Variants in ITGAM observed in about 807,000 individuals in gnomAD.
ITGAM encodes the protein integrin subunit alpha M.
In ITGAM, 79 loss-of-function variants were observed where a neutral mutation model predicts 137.5. The ratio of observed to expected loss-of-function variants is 0.57; its 90% CI spans 0.48 to 0.69. The LOEUF is 0.69. Ranked by LOEUF, ITGAM falls within the 30% of genes least tolerant of loss-of-function variation. The pLI is 0.00. For missense variants in ITGAM, 1,343 were observed against 1,483.5 expected, an observed-to-expected ratio of 0.91 and a Z score of 1.56; for synonymous variants, 583 against 592.3, an observed-to-expected ratio of 0.98 and a Z score of 0.23.
chr16:31,278,365 C>CTG (rs1157241015), intron 12 of ITGAM, among the ~76,000 whole-genome samples: 1 of 152,074 alleles, frequency 6.6e-6, no homozygotes, highest in Non-Finnish European at 1.5e-5. Context: ...GTATTCAACC[C>CTG]GTATATAACC....
chr16:31,271,983 G>T lies in ITGAM; in HGVS notation c.695G>T (p.Arg232Leu). 1 of 1,613,994 alleles carries T rather than the reference G, an allele frequency of 6.2e-7. No homozygotes were observed. The highest frequency in any genetic ancestry group is 1.7e-4 in the Middle Eastern group (1 of 6,060). Reference protein sequence around the residue: ...LGRTHTATGIRKVVRELFNIT... With the variant: ...LGRTHTATGILKVVRELFNIT... ...CGGACACACACGGCCACGGGCATCCGCAAAGTGGTGTAAGCTTCCCCTTTT... is the reference window on the plus strand; with the variant it reads ...CGGACACACACGGCCACGGGCATCCTCAAAGTGGTGTAAGCTTCCCCTTTT... Residue 232 changes from arginine to leucine, a missense_variant, in exon 7 of 30, where the codon CGC becomes CTC. Arg to Leu is a moderately radical substitution (Grantham distance 102). Coordinates refer to ENST00000544665, the MANE Select transcript of ITGAM (RefSeq NM_000632.4).
chr16:31,295,042 G>A (rs2080120073), intron 12 of ITGAM, among the ~76,000 whole-genome samples: 1 of 152,112 alleles, frequency 6.6e-6, no homozygotes, highest in Non-Finnish European at 1.5e-5. Context: ...TAAATGCATA[G>A]TTTTATTTCT....
At chr16:31,294,444 G>A (rs1026590524) in intron 12 of ITGAM, among the ~76,000 whole-genome samples, 1 of 152,060 alleles carries the variant, frequency 6.6e-6, no homozygotes, top group Non-Finnish European at 1.5e-5. Flanking sequence ...TAACATAAAG[G>A]GGTGTTGACT....
Position 31,324,027 on chromosome 16 carries a change from A to G in ITGAM, c.2003-372A>G, listed in dbSNP as rs977307554. ...GATTCTGTCTCAAAAAAGAAAATAA[A>G]AAATAAAAAGAAAGGAAGGAAGGAA... On this transcript the variant is annotated intron_variant, in intron 16 of 29. Transcript: ENST00000544665. This position sits in a 1 kb window ranked among gnomAD's most constrained non-coding sequence, Gnocchi z 4.5. 5.9e-5 allele frequency among the ~76,000 whole-genome samples: 9 copies of G among 151,960 alleles called. No homozygotes were observed. The highest frequency in any genetic ancestry group is 1.5e-5 in the Non-Finnish European group (1 of 68,002).
At position 31,324,912 on chromosome 16, in the gene ITGAM, TG is replaced by T; in HGVS notation, c.2290-44del. The T allele has an allele frequency of 6.4e-7, 1 of 1,555,664 alleles. No homozygotes were observed. Among genetic ancestry groups the T allele is most frequent in the Non-Finnish European group, 8.7e-7 (1 of 1,143,110 alleles). On this transcript the variant is annotated intron_variant, in intron 18 of 29. Coordinates refer to ENST00000544665, the MANE Select transcript of ITGAM (RefSeq NM_000632.4). The surrounding 1 kb of genome is among the most constrained non-coding windows in gnomAD (Gnocchi z 4.5). ...TTTTATTGTTTAATTTCACAATACT[TG>T]GTTATTTTCTTTCCTTTCATTTGAT... is the stretch of plus-strand genomic sequence containing the variant.
At chr16:31,328,279 T>C in intron 23 of ITGAM, 49 bp downstream of exon 23, 1 of 1,372,754 alleles carries the variant, frequency 7.3e-7, no homozygotes, top group Non-Finnish European at 1.0e-6. Flanking sequence ...GGGCTGGACA[T>C]GGCTGATTGT....
intron 14 of ITGAM, among the ~76,000 whole-genome samples, chr16:31,320,545 G>A (rs2080438147): frequency 6.6e-6 from 1 of 151,992 alleles, no homozygotes; most frequent in South Asian, 2.1e-4. Context: ...CATACACGAT[G>A]GTTTTGGCTT....
chr16:31,328,812 ATG>A (rs1567282667), intron 23 of ITGAM, among the ~76,000 whole-genome samples: 5 of 125,032 alleles, frequency 4.0e-5, no homozygotes, highest in East Asian at 5.1e-4. Flanking sequence ...GTGAAGGTCT[ATG>A]TGCATGTGTG....
intron 8 of ITGAM, among the ~76,000 whole-genome samples, chr16:31,273,937 G>A (rs1422607964): frequency 6.6e-6 from 1 of 152,176 alleles, no homozygotes; most frequent in Non-Finnish European, 1.5e-5. Context: ...GGCTAGCCTG[G>A]GCATGTCCTC....
At chr16:31,288,857 C>T (rs2080056974) in intron 12 of ITGAM, among the ~76,000 whole-genome samples, 1 of 152,196 alleles carries the variant, frequency 6.6e-6, no homozygotes. Context: ...GCAATCTACT[C>T]ATCTGACAAA....
rs2079764632 is a variant in ITGAM, at chr16:31,266,136, A to G, written c.416A>G (p.Glu139Gly). 2 of 1,612,708 alleles carry G rather than the reference A, an allele frequency of 1.2e-6. No homozygotes were observed. Among genetic ancestry groups the G allele is most frequent in the African/African-American group, 1.3e-5 (1 of 74,896 alleles). ...CGGCAGCAGCCCCAGAAGTTCCCAGAGGCCCTCCGAGGTGGGTTGCCTTTG... is the reference window on the plus strand; with the variant it reads ...CGGCAGCAGCCCCAGAAGTTCCCAGGGGCCCTCCGAGGTGGGTTGCCTTTG... ...NLRQQPQKFP[E>G]ALRGCPQEDS... The change falls in exon 5 of 30, where the codon GAG becomes GGG. Residue 139 changes from glutamate (E) to glycine (G), a missense_variant. Glu to Gly is a moderately conservative substitution (Grantham distance 98). Coordinates refer to ENST00000544665, the MANE Select transcript of ITGAM (RefSeq NM_000632.4).
At chr16:31,271,700 C>G (rs2079841850) in intron 6 of ITGAM, 147 bp from the exon 7 acceptor site, 2 of 949,978 alleles carry the variant, frequency 2.1e-6, no homozygotes, top group Non-Finnish European at 1.6e-6. Flanking sequence ...GCTGGCAGCT[C>G]TCCGTCCTGG....
At chr16:31,318,904 A>G (rs2080419770) in intron 14 of ITGAM, among the ~76,000 whole-genome samples, 1 of 151,960 alleles carries the variant, frequency 6.6e-6, no homozygotes, top group Non-Finnish European at 1.5e-5. Flanking sequence ...TAAGTTTGGT[A>G]TATTGTGTTT....
rs866495296 is a variant in ITGAM at position 31,324,783 on chromosome 16, G to C, written c.2289+1G>C. ...TGCTCAGAGACTCTTCACAGCCTTG[G>C]TGAGTCCAGAGTTGGGGTCCTGCAG... On this transcript the variant is annotated splice_donor_variant, in intron 18 of 29. Coordinates refer to ENST00000544665, the MANE Select transcript of ITGAM (RefSeq NM_000632.4). LOFTEE classifies it high-confidence loss of function. The surrounding 1 kb of genome is among the most constrained non-coding windows in gnomAD (Gnocchi z 4.5). 1.9e-6 allele frequency: 3 copies of C among 1,556,728 alleles called. No individual in the cohort carries two copies. Among genetic ancestry groups the C allele is most frequent in the Non-Finnish European group, 2.6e-6 (3 of 1,154,260 alleles).
chr16:31,310,208 G>A (rs531853921), intron 14 of ITGAM, among the ~76,000 whole-genome samples: 74 of 141,562 alleles, frequency 5.2e-4, no homozygotes, highest in Non-Finnish European at 8.0e-4. Flanking sequence ...TCTTTGTGGC[G>A]TTCTCTGTAT....
chr16:31,321,577 T>A lies in ITGAM; in HGVS notation c.1952T>A (p.Val651Asp). The A allele has an allele frequency of 6.2e-7, 1 of 1,613,756 alleles. No homozygotes were observed. The highest frequency in any genetic ancestry group is 1.1e-5 in the South Asian group (1 of 91,072). Residue 651 changes from valine (V) to aspartate (D), a missense_variant, in exon 16 of 30, where the codon GTC becomes GAC. Physicochemically the swap from Val to Asp is radical, Grantham distance 152 (BLOSUM62 -3). Transcript: ENST00000544665. ...GTGAAAGGCAAGGAAGCCGGAGAGG[T>A]CAGAGTCTGCCTCCATGTCCAGAAG... Reference protein sequence around the residue: ...QVVKGKEAGEVRVCLHVQKST... With the variant: ...QVVKGKEAGEDRVCLHVQKST...
At chr16:31,306,352 A>G (rs2080264529) in intron 14 of ITGAM, among the ~76,000 whole-genome samples, 1 of 152,172 alleles carries the variant, frequency 6.6e-6, no homozygotes, top group Non-Finnish European at 1.5e-5. Context: ...AAATTTTCAA[A>G]ATTAAACAAC....
intron 14 of ITGAM, among the ~76,000 whole-genome samples, chr16:31,302,843 C>G (rs2080222068): frequency 6.6e-6 from 1 of 151,010 alleles, no homozygotes; most frequent in African/African-American, 2.5e-5. Context: ...CTTTTTCTTT[C>G]TCTTTCTTTC....
chr16:31,283,086 C>T (rs1375116337), intron 12 of ITGAM, among the ~76,000 whole-genome samples: 3 of 152,220 alleles, frequency 2.0e-5, no homozygotes, highest in Non-Finnish European at 4.4e-5. Context: ...GCTGAGAGAT[C>T]AGCTGCTAGT....
Sources: gnomAD v4.1 joint callset for allele counts (sites outside exome capture counted in the v4.1 genomes callset) on GRCh38, gnomAD v4.1.1 for gene constraint, Gnocchi (gnomAD v3.1) non-coding constraint, MANE v1.5 for transcripts, NCBI Gene and HGNC (gene_info 2026-07-23, HGNC 2026-07-21) for gene names.